Variants in PC observed in about 807,000 individuals in gnomAD.
PC encodes the protein pyruvate carboxylase.
Under a neutral mutation model 107.8 loss-of-function variants are expected in PC, and 46 were observed. The ratio of observed to expected loss-of-function variants is 0.43; its 90% CI spans 0.34 to 0.55. PC has a LOEUF of 0.55. Ranked by LOEUF, PC falls within the 20% of genes least tolerant of loss-of-function variation. The pLI is 0.04. For missense variants in PC, 1,241 were observed against 1,643.1 expected, an observed-to-expected ratio of 0.76 and a Z score of 4.23; for synonymous variants, 662 against 684.7, an observed-to-expected ratio of 0.97 and a Z score of 0.52.
chr11:66,900,244 G>A (rs1216530799), intron 3 of PC, among the ~76,000 whole-genome samples: 2 of 132,280 alleles, frequency 1.5e-5, no homozygotes, highest in African/African-American at 5.7e-5. Flanking sequence ...GCAGTGGCAC[G>A]ATCTCGGCTC....
intron 3 of PC, among the ~76,000 whole-genome samples, chr11:66,873,502 AATATTATATATTATATTAT>A (rs1295976797): frequency 2.7e-4 from 4 of 14,746 alleles, no homozygotes; most frequent in African/African-American, 4.8e-4. Context: ...TATATTATAT[AATATTATATATTATATTAT>A]ATATTATAAT....
intron 3 of PC, among the ~76,000 whole-genome samples, chr11:66,902,982 C>T (rs145075842): frequency 0.016 from 2,389 of 152,304 alleles, 64 homozygotes; most frequent in African/African-American, 0.054. Flanking sequence ...GCTACACCAC[C>T]GCAGCCCATC....
intron 12 of PC, among the ~76,000 whole-genome samples, chr11:66,854,979 T>G (rs1158969535): frequency 6.6e-6 from 1 of 152,074 alleles, no homozygotes; most frequent in Non-Finnish European, 1.5e-5. Context: ...GAAGGACCCT[T>G]GGAGGCCTTC....
chr11:66,858,569 G>A lies in PC; in HGVS notation c.1369-5186C>T, dbSNP rs1398445937. On this transcript the variant is annotated intron_variant, in intron 12 of 22. Transcript: ENST00000393960. The surrounding 1 kb of genome is among the most constrained non-coding windows in gnomAD (Gnocchi z 5.9). ...ACTTCTGGGCAGTGCCCGAGGGCGA[G>A]TTCTCCTGTGAGCCGCCCCTCATTG... 3.3e-6 allele frequency: 5 copies of A among 1,533,096 alleles called. No individual in the cohort carries two copies. Among genetic ancestry groups the A allele is most frequent in the Admixed American group, 2.0e-5 (1 of 50,832 alleles). The allele number at this position is 1,533,096 out of a possible 1,614,324, so 95.0% of individuals were successfully genotyped here.
intron 3 of PC, among the ~76,000 whole-genome samples, chr11:66,892,187 C>T (rs528267583): frequency 1.3e-5 from 2 of 152,206 alleles, no homozygotes; most frequent in East Asian, 1.9e-4. Context: ...AACAAGGCTG[C>T]GAGGCTCGGG....
At chr11:66,910,605 T>C (rs1209750134) in intron 3 of PC, among the ~76,000 whole-genome samples, 1 of 152,146 alleles carries the variant, frequency 6.6e-6, no homozygotes, top group African/African-American at 2.4e-5. Flanking sequence ...GGAAGCAAGA[T>C]CTGCATGTGG....
chr11:66,905,289 G>A (rs1391964044), intron 3 of PC, among the ~76,000 whole-genome samples: 3 of 152,230 alleles, frequency 2.0e-5, no homozygotes, highest in Non-Finnish European at 2.9e-5. Context: ...CAGAGGAGAC[G>A]CTTGGCCTGG....
chr11:66,851,683 A>T, intron 16 of PC, 107 bp downstream of exon 16: 1 of 1,202,078 alleles, frequency 8.3e-7, no homozygotes, highest in Non-Finnish European at 1.2e-6. Context: ...GTGGCCACAG[A>T]GAGACTTGGT....
intron 3 of PC, among the ~76,000 whole-genome samples, chr11:66,922,553 TAAAAAAAAAAAA>T (rs1198835228): frequency 9.5e-5 from 8 of 84,362 alleles, no homozygotes; most frequent in Admixed American, 4.7e-4. Context: ...GACTTTGTCT[TAAAAAAAAAAAA>T]AAAAAAAAAA....
chr11:66,895,849 A>G (rs1376971508), intron 3 of PC, among the ~76,000 whole-genome samples: 1 of 152,212 alleles, frequency 6.6e-6, no homozygotes, highest in Admixed American at 6.5e-5. Flanking sequence ...GAGTTTCCAC[A>G]CTGGAAGGAC....
At chr11:66,877,161 G>A (rs1224782998) in intron 3 of PC, among the ~76,000 whole-genome samples, 1 of 152,164 alleles carries the variant, frequency 6.6e-6, no homozygotes, top group Non-Finnish European at 1.5e-5. Flanking sequence ...TGAGACAGGC[G>A]GATCATTTGA....
chr11:66,922,693 A>G (rs965541594), intron 3 of PC, among the ~76,000 whole-genome samples: 2 of 151,938 alleles, frequency 1.3e-5, no homozygotes, highest in Non-Finnish European at 2.9e-5. Context: ...TCTCTGGCCC[A>G]GATCCCCACA....
Position 66,925,358 on chromosome 11 carries a change from G to A in PC, c.-1+27072C>T, listed in dbSNP as rs149621218. Among the ~76,000 whole-genome samples, 664 of 152,206 alleles carry A rather than the reference G, an allele frequency of 4.4e-3. 5 individuals carry two copies. The highest frequency in any genetic ancestry group is 4.7e-3 in the Non-Finnish European group (317 of 68,004). ...CATAAAAGACGGCTGCCCCCGAAGC[G>A]GCCATTTCAGAGGCCTACCCTCAGG... On this transcript the variant is annotated intron_variant, in intron 3 of 22. Transcript: ENST00000393960.
chr11:66,854,331 G>A (rs567398209), intron 12 of PC, among the ~76,000 whole-genome samples: 5 of 152,248 alleles, frequency 3.3e-5, no homozygotes, highest in South Asian at 2.1e-4. Context: ...TCACACCCTC[G>A]GCAGAGCTGA....
At chr11:66,893,916 C>T (rs1312278964) in intron 3 of PC, among the ~76,000 whole-genome samples, 3 of 151,756 alleles carry the variant, frequency 2.0e-5, no homozygotes, top group Non-Finnish European at 4.4e-5. Context: ...TTTAGCTCTT[C>T]CCCTCCCTCA....
At position 66,895,956 on chromosome 11, in the gene PC, G is replaced by GA. The variant is rs1053172900; in HGVS notation, c.1-23798dup. Among the ~76,000 whole-genome samples the GA allele has an allele frequency of 4.6e-5, 7 of 151,518 alleles. No individual in the cohort carries two copies. The East Asian group carries it at 1.4e-3, about 29-fold the overall frequency. On this transcript the variant is annotated intron_variant, in intron 3 of 22. Coordinates refer to ENST00000393960, the MANE Select transcript of PC (RefSeq NM_001040716.2). ...AAGCTTTCCCAAAGGAGGGTAAAAA[G>GA]AAAAAAAAGACAAAAGTATCAGAAA...
chr11:66,898,934 G>A (rs148702069), intron 3 of PC, among the ~76,000 whole-genome samples: 342 of 152,146 alleles, frequency 2.2e-3, no homozygotes, highest in African/African-American at 7.7e-3. Context: ...CTATGGCAAC[G>A]ATCTTGGCTC....
intron 1 of PC, chr11:66,957,723 G>C (rs1480596682): frequency 6.6e-6 from 1 of 152,276 alleles, no homozygotes. Context: ...GAAATAAGGG[G>C]CTGAGCCCAG....
chr11:66,933,200 A>G (rs1372470638), intron 3 of PC, among the ~76,000 whole-genome samples: 1 of 152,028 alleles, frequency 6.6e-6, no homozygotes, highest in Non-Finnish European at 1.5e-5. Flanking sequence ...CCTTCAGCCC[A>G]GGCTCACCAA....
Sources: gnomAD v4.1 joint callset for allele counts (sites outside exome capture counted in the v4.1 genomes callset) on GRCh38, gnomAD v4.1.1 for gene constraint, Gnocchi (gnomAD v3.1) non-coding constraint, MANE v1.5 for transcripts, NCBI Gene and HGNC (gene_info 2026-07-23, HGNC 2026-07-21) for gene names.